The following ZNF521 variants were observed in gnomAD, a reference collection of about 807,000 sequenced individuals.
The protein encoded by ZNF521 is LYST-interacting protein 3.
ZNF521 carries 14 observed loss-of-function variants against 105.5 expected under a neutral mutation model. That is an observed-to-expected ratio of 0.13 (90% CI 0.09 to 0.21). The LOEUF (loss-of-function observed/expected upper bound fraction) is 0.21, where lower values mean the gene tolerates loss of function less well. Among genes scored for constraint, ZNF521 ranks in the 10% least tolerant of loss-of-function variants. The pLI is 1.00. For synonymous variants in ZNF521, 635 were observed against 606.0 expected (o/e 1.05, Z -0.70); for missense variants, 1,233 against 1,629.7 (o/e 0.76, Z 4.19).
At chr18:25,263,978 T>C (rs1263019071) in intron 3 of ZNF521, among the ~76,000 whole-genome samples, 2 of 152,214 alleles carry the variant, frequency 1.3e-5, no homozygotes, top group Non-Finnish European at 2.9e-5. Flanking sequence ...TGTTAACTAT[T>C]TGAAATTTAA....
chr18:25,233,339 T>TA (rs1906660544), intron 3 of ZNF521, among the ~76,000 whole-genome samples: 4 of 152,062 alleles, frequency 2.6e-5, no homozygotes, highest in African/African-American at 4.8e-5. Flanking sequence ...ATGCTTCTTT[T>TA]TAAAAAAAAA....
chr18:25,090,512 T>C (rs185526948), intron 6 of ZNF521, among the ~76,000 whole-genome samples: 5 of 152,350 alleles, frequency 3.3e-5, no homozygotes, highest in African/African-American at 1.2e-4. Context: ...TAACACACTT[T>C]ATATTGGAAG....
chr18:25,309,046 T>C (rs548062663), intron 3 of ZNF521, among the ~76,000 whole-genome samples: 4 of 152,314 alleles, frequency 2.6e-5, no homozygotes, highest in East Asian at 3.9e-4. Flanking sequence ...TTAGCAAAAC[T>C]TAAAGCAAAG....
chr18:25,184,995 C>G (rs988754630), intron 5 of ZNF521, among the ~76,000 whole-genome samples: 2 of 152,098 alleles, frequency 1.3e-5, no homozygotes, highest in Non-Finnish European at 2.9e-5. Flanking sequence ...GGGAAACAGG[C>G]TATTTTGTAA....
At chr18:25,265,102 A>C (rs1045036922) in intron 3 of ZNF521, among the ~76,000 whole-genome samples, 1 of 152,244 alleles carries the variant, frequency 6.6e-6, no homozygotes, top group African/African-American at 2.4e-5. Context: ...GTCAACTGTT[A>C]TTCATGACAT....
At chr18:25,085,792 CA>C (rs1341684138) in intron 7 of ZNF521, among the ~76,000 whole-genome samples, 8 of 151,562 alleles carry the variant, frequency 5.3e-5, no homozygotes, top group Non-Finnish European at 1.0e-4. Context: ...CTTCTATCCA[CA>C]AAAAAATGCT....
At chr18:25,202,960 A>G (rs928830851) in intron 4 of ZNF521, 1 of 152,196 alleles carries the variant, frequency 6.6e-6, no homozygotes, top group Non-Finnish European at 1.5e-5. Flanking sequence ...AGTTAAAAGG[A>G]TGCTATTGTC....
chr18:25,283,012 A>G (rs1442021161), intron 3 of ZNF521, among the ~76,000 whole-genome samples: 1 of 152,226 alleles, frequency 6.6e-6, no homozygotes, highest in African/African-American at 2.4e-5. Context: ...AAACCTACAG[A>G]GAATGACTTT....
chr18:25,159,513 C>CA (rs34154457), intron 5 of ZNF521, among the ~76,000 whole-genome samples: 67,403 of 150,976 alleles, frequency 0.45, 15,098 homozygotes, highest in South Asian at 0.59. Context: ...CTAACACTAA[C>CA]AAAAAAAAAC....
intron 3 of ZNF521, among the ~76,000 whole-genome samples, chr18:25,321,203 A>G (rs901932027): frequency 6.6e-6 from 1 of 152,212 alleles, no homozygotes; most frequent in African/African-American, 2.4e-5. Context: ...CAGAAAGAGC[A>G]GAATGATGTG....
chr18:25,225,749 G>A lies in ZNF521; in HGVS notation c.2169C>T (p.Arg723=), dbSNP rs1906077920. The change falls in exon 4 of 8, where the codon CGC becomes CGT. Residue 723 remains arginine, a synonymous_variant. Coordinates refer to ENST00000361524, the MANE Select transcript of ZNF521 (RefSeq NM_015461.3). This position sits in a 1 kb window ranked among gnomAD's most constrained non-coding sequence, Gnocchi z 5.6. Reference sequence around the variant, plus strand: ...CAAAAACTTCCTGGCAGAGGGTGCAGCGAAAGAAGACAAAGGTGTGCATGT... The same window carrying A: ...CAAAAACTTCCTGGCAGAGGGTGCAACGAAAGAAGACAAAGGTGTGCATGT... ...LLDMHTFVFF[R]CTLCQEVFDS... 3.1e-6 allele frequency: 5 copies of A among 1,614,116 alleles called. No homozygotes were observed. Among genetic ancestry groups the A allele is most frequent in the African/African-American group, 2.7e-5 (2 of 74,946 alleles).
intron 5 of ZNF521, among the ~76,000 whole-genome samples, chr18:25,112,953 C>A (rs2034222544): frequency 6.6e-6 from 1 of 151,660 alleles, no homozygotes. Flanking sequence ...TATTAGCAGC[C>A]TTGACTGCTT....
chr18:25,179,958 G>A (rs1303571543), intron 5 of ZNF521, among the ~76,000 whole-genome samples: 1 of 152,180 alleles, frequency 6.6e-6, no homozygotes, highest in Non-Finnish European at 1.5e-5. Flanking sequence ...ATCTGAATTA[G>A]AATTCTGAAA....
chr18:25,098,065 G>C (rs2033889638), intron 5 of ZNF521, among the ~76,000 whole-genome samples: 1 of 115,728 alleles, frequency 8.6e-6, no homozygotes, highest in East Asian at 2.7e-4. Flanking sequence ...CAGGCAGTGG[G>C]ATTTTAGATG....
intron 5 of ZNF521, among the ~76,000 whole-genome samples, chr18:25,129,268 T>TAATAATA (rs72264876): frequency 4.6e-4 from 36 of 77,572 alleles, no homozygotes; most frequent in African/African-American, 1.4e-3. Flanking sequence ...TAATAATAAT[T>TAATAATA]ATTATTATTA....
At chr18:25,275,248 G>C (rs548718494) in intron 3 of ZNF521, among the ~76,000 whole-genome samples, 1 of 152,192 alleles carries the variant, frequency 6.6e-6, no homozygotes, top group African/African-American at 2.4e-5. Flanking sequence ...TTTTGTAAAA[G>C]GATGAACTTC....
At chr18:25,165,631 C>T (rs1419580957) in intron 5 of ZNF521, among the ~76,000 whole-genome samples, 2 of 152,210 alleles carry the variant, frequency 1.3e-5, no homozygotes, top group African/African-American at 2.4e-5. Flanking sequence ...GTGCTTTGTA[C>T]TCAAAGTAAT....
Position 25,333,326 on chromosome 18 carries a change from A to G in ZNF521, c.41-11139T>C, listed in dbSNP as rs561138156. On this transcript the variant is annotated intron_variant, in intron 2 of 7. Coordinates refer to ENST00000361524, the MANE Select transcript of ZNF521 (RefSeq NM_015461.3). ...TCTCTCTCTCTCTCTATATATATATATATATATACACACATATATATATGT... is the reference window on the plus strand; with the variant it reads ...TCTCTCTCTCTCTCTATATATATATGTATATATACACACATATATATATGT... Among the ~76,000 whole-genome samples, 288 of 150,482 alleles carry G rather than the reference A, an allele frequency of 1.9e-3. 1 individual carries two copies. Among genetic ancestry groups the G allele is most frequent in the Non-Finnish European group, 2.7e-3 (184 of 67,694 alleles).
intron 3 of ZNF521, among the ~76,000 whole-genome samples, chr18:25,289,816 T>C (rs1278070148): frequency 6.6e-6 from 1 of 152,184 alleles, no homozygotes; most frequent in East Asian, 1.9e-4. Flanking sequence ...AAAATGCGGC[T>C]AGCTAGACAA....
Sources: allele counts gnomAD v4.1 joint callset (sites outside exome capture counted in the v4.1 genomes callset), GRCh38; gene constraint gnomAD v4.1.1; non-coding constraint Gnocchi (gnomAD v3.1); transcripts MANE v1.5; gene names NCBI Gene and HGNC (gene_info 2026-07-23, HGNC 2026-07-21).